KLHL29: variants seen among roughly 807,000 people sequenced by gnomAD.
KLHL29 encodes the protein kelch like family member 29.
KLHL29 carries 21 observed loss-of-function variants against 80.4 expected under a neutral mutation model. That is an observed-to-expected ratio of 0.26 (90% CI 0.19 to 0.38). The LOEUF (loss-of-function observed/expected upper bound fraction) is 0.38. Ranked by LOEUF, KLHL29 falls within the 10% of genes least tolerant of loss-of-function variation. KLHL29 has a pLI of 1.00. For synonymous variants in KLHL29, 511 were observed against 526.8 expected, an observed-to-expected ratio of 0.97 and a Z score of 0.41; for missense variants, 867 against 1,223.9, an observed-to-expected ratio of 0.71 and a Z score of 4.35.
intron 2 of KLHL29, among the ~76,000 whole-genome samples, chr2:23,482,059 C>T (rs1218814663): frequency 2.0e-5 from 3 of 152,154 alleles, no homozygotes; most frequent in Non-Finnish European, 2.9e-5. Flanking sequence ...CTTCCTTGTC[C>T]GCTGCCCTCA....
intron 2 of KLHL29, among the ~76,000 whole-genome samples, chr2:23,520,996 C>A (rs994151754): frequency 1.3e-5 from 2 of 151,380 alleles, no homozygotes; most frequent in East Asian, 1.9e-4. Flanking sequence ...AAGACCACCC[C>A]CCCCCCCGCT....
chr2:23,456,568 G>T (rs947438018), intron 1 of KLHL29, among the ~76,000 whole-genome samples: 3 of 152,270 alleles, frequency 2.0e-5, no homozygotes. Context: ...TAGCACCCAC[G>T]AGTGAGGAGC....
At chr2:23,673,606 C>T (rs1670835827) in intron 5 of KLHL29, among the ~76,000 whole-genome samples, 2 of 151,664 alleles carry the variant, frequency 1.3e-5, no homozygotes, top group South Asian at 4.2e-4. Flanking sequence ...TGCATACACA[C>T]CCATACCACC....
At chr2:23,628,829 C>G (rs180845614) in intron 3 of KLHL29, among the ~76,000 whole-genome samples, 1 of 152,304 alleles carries the variant, frequency 6.6e-6, no homozygotes, top group Admixed American at 6.5e-5. Flanking sequence ...AACAAAGGCT[C>G]CCAGAAATGG....
chr2:23,421,617 CTGAG>C lies in KLHL29; in HGVS notation c.-154+35840_-154+35843del, dbSNP rs1447143413. Among the ~76,000 whole-genome samples, 9 of 137,388 alleles carry C rather than the reference CTGAG, an allele frequency of 6.6e-5. No individual in the cohort carries two copies. The South Asian group carries it at 1.7e-3, about 26-fold the overall frequency. The allele number at this position is 137,388 out of a possible 152,430, so 90.1% of individuals were successfully genotyped here. On this transcript the variant is annotated intron_variant, in intron 1 of 13. Transcript: ENST00000486442. ...GTGTCGGCATGTCTGCTTTGTGTGT[CTGAG>C]TGTGTGTTCATGTGCCTGTGTGTCT...
At chr2:23,533,266 G>T (rs1191715909) in intron 2 of KLHL29, among the ~76,000 whole-genome samples, 1 of 152,194 alleles carries the variant, frequency 6.6e-6, no homozygotes, top group African/African-American at 2.4e-5. Context: ...GTGGCTGCTT[G>T]TGGGCTAGTC....
chr2:23,691,757 T>TG lies in KLHL29; in HGVS notation c.1164dup (p.Leu389AlafsTer106). The TG allele has an allele frequency of 6.4e-7, 1 of 1,551,782 alleles. No individual in the cohort carries two copies. The highest frequency in any genetic ancestry group is 8.7e-7 in the Non-Finnish European group (1 of 1,147,020). On this transcript the variant is annotated frameshift_variant, in exon 7 of 14. Transcript: ENST00000486442. LOFTEE classifies it high-confidence loss of function. ...CTGCAGGCAGACGTCCTGGAGTTGC[T>TG]GCTGGAGTTTGTCTACACGGGCTCC...
At chr2:23,540,564 C>T (rs114731732) in intron 2 of KLHL29, among the ~76,000 whole-genome samples, 126 of 152,342 alleles carry the variant, frequency 8.3e-4, no homozygotes, top group African/African-American at 2.8e-3. Flanking sequence ...TCTTCAGTAG[C>T]GCAGAACTTG....
chr2:23,498,615 G>A (rs969180798), intron 2 of KLHL29, among the ~76,000 whole-genome samples: 1 of 152,238 alleles, frequency 6.6e-6, no homozygotes, highest in African/African-American at 2.4e-5. Context: ...CCTTCGTTAG[G>A]ACATTTAGGA....
chr2:23,511,136 T>C (rs193266162), intron 2 of KLHL29, among the ~76,000 whole-genome samples: 115 of 152,252 alleles, frequency 7.6e-4, no homozygotes, highest in Middle Eastern at 3.4e-3. Flanking sequence ...ACCTCTGGCA[T>C]CAGAAGTTTC....
intron 2 of KLHL29, among the ~76,000 whole-genome samples, chr2:23,543,185 C>T (rs1019121186): frequency 6.6e-6 from 1 of 152,150 alleles, no homozygotes; most frequent in Non-Finnish European, 1.5e-5. Context: ...CTGCTCTAAC[C>T]ACATGGTCTA....
intron 3 of KLHL29, among the ~76,000 whole-genome samples, chr2:23,594,357 C>A (rs925913900): frequency 1.3e-5 from 2 of 152,152 alleles, no homozygotes; most frequent in African/African-American, 4.8e-5. Flanking sequence ...CCCGGCTCCT[C>A]CGGGCTCTGG....
chr2:23,422,114 G>A (rs559914304), intron 1 of KLHL29, among the ~76,000 whole-genome samples: 2 of 151,428 alleles, frequency 1.3e-5, no homozygotes, highest in East Asian at 3.9e-4. Context: ...GAGTGTGTCA[G>A]TATGGGTGGG....
At chr2:23,701,793 C>CTTTTTTTTT (rs70941586) in intron 11 of KLHL29, among the ~76,000 whole-genome samples, 3 of 22,544 alleles carry the variant, frequency 1.3e-4, no homozygotes, top group Non-Finnish European at 2.0e-4. Flanking sequence ...CTTTTTTTTG[C>CTTTTTTTTT]TTTTTTTTTT....
chr2:23,676,113 A>T (rs1670913218), intron 5 of KLHL29, among the ~76,000 whole-genome samples: 1 of 152,184 alleles, frequency 6.6e-6, no homozygotes, highest in East Asian at 1.9e-4. Context: ...ACCAAGTCTC[A>T]TGGGACCACA....
intron 1 of KLHL29, among the ~76,000 whole-genome samples, chr2:23,470,849 T>A (rs1664479225): frequency 6.6e-6 from 1 of 152,258 alleles, no homozygotes. Context: ...GCTCATGAAC[T>A]GTCGTGAACC....
chr2:23,643,541 C>G (rs748314012), intron 5 of KLHL29: 40 of 163,304 alleles, frequency 2.4e-4, no homozygotes, highest in Admixed American at 2.2e-3. Context: ...AACAGAGCCT[C>G]GGGAAGGATG....
intron 1 of KLHL29, among the ~76,000 whole-genome samples, chr2:23,463,315 GT>G (rs1458514575): frequency 2.0e-5 from 3 of 151,228 alleles, no homozygotes; most frequent in Non-Finnish European, 4.4e-5. Context: ...TCAAAAGTCT[GT>G]TTATAATAAC....
chr2:23,528,255 G>T (rs891382970), intron 2 of KLHL29, among the ~76,000 whole-genome samples: 5 of 152,086 alleles, frequency 3.3e-5, no homozygotes, highest in African/African-American at 1.2e-4. Flanking sequence ...AAATTCCATC[G>T]CACAGATGGG....
Sources: gnomAD v4.1 joint callset for allele counts (sites outside exome capture counted in the v4.1 genomes callset) on GRCh38, gnomAD v4.1.1 for gene constraint, MANE v1.5 for transcripts, NCBI Gene and HGNC (gene_info 2026-07-23, HGNC 2026-07-21) for gene names.